Variants in PLCE1 observed in about 807,000 individuals in gnomAD.
The protein encoded by PLCE1 is 1-phosphatidylinositol 4,5-bisphosphate phosphodiesterase epsilon-1.
A neutral mutation model predicts 242.8 loss-of-function variants in PLCE1; 119 were observed. That is an observed-to-expected ratio of 0.49 (90% CI 0.42 to 0.57). The LOEUF (loss-of-function observed/expected upper bound fraction) is 0.57, where lower values mean the gene tolerates loss of function less well. Ranked by LOEUF, PLCE1 falls within the 20% of genes least tolerant of loss-of-function variation. The pLI, the probability that PLCE1 is intolerant of heterozygous loss-of-function variation, is 0.00. For synonymous variants in PLCE1, 945 were observed against 1,017.4 expected (o/e 0.93, Z 1.35); for missense variants, 2,441 against 2,788.8 (o/e 0.88, Z 2.81).
In PLCE1 at chr10:94,324,365, A is replaced by G. The variant is rs111929795; in HGVS notation, c.6518A>G (p.Lys2173Arg). Residue 2173 changes from lysine (K) to arginine (R), a missense_variant, in exon 31 of 33, where the codon AAA (lysine) becomes AGA (arginine). By Grantham distance (26) the Lys-to-Arg change is conservative. Coordinates refer to ENST00000371380, the MANE Select transcript of PLCE1 (RefSeq NM_016341.4). ...DVIQQTLCKA[K>R]YSYSILSNPN... ...ACCTTTCAGACCTTATGCAAAGCCA[A>G]ATATTCCTACAGCATCCTGAGCAAC... The G allele has an allele frequency of 6.0e-4, 962 of 1,614,108 alleles. 6 individuals are homozygous for G. In the African/African-American group the frequency reaches 0.011, roughly 19 times the overall value.
chr10:94,264,393 A>C (rs2051429509), intron 14 of PLCE1, among the ~76,000 whole-genome samples: 1 of 152,146 alleles, frequency 6.6e-6, no homozygotes, highest in Admixed American at 6.5e-5. Context: ...GCATGGTGTC[A>C]GACAGATGTG....
chr10:94,024,623 G>C (rs2061426527), intron 1 of PLCE1, among the ~76,000 whole-genome samples: 1 of 152,164 alleles, frequency 6.6e-6, no homozygotes. Context: ...TTCAACAGGT[G>C]CTTAACCAAT....
At chr10:94,228,577 C>T (rs989532375) in intron 5 of PLCE1, among the ~76,000 whole-genome samples, 1 of 152,104 alleles carries the variant, frequency 6.6e-6, no homozygotes, top group Non-Finnish European at 1.5e-5. Flanking sequence ...TGAGGGTTCT[C>T]ACTATAAAGG....
intron 4 of PLCE1, among the ~76,000 whole-genome samples, chr10:94,197,311 G>A (rs2048850944): frequency 6.6e-6 from 1 of 152,158 alleles, no homozygotes. Context: ...CAAGAAAAAT[G>A]TTTGAGCATA....
intron 2 of PLCE1, chr10:94,096,909 C>T (rs940562083): frequency 2.6e-5 from 4 of 152,214 alleles, no homozygotes; most frequent in Admixed American, 6.5e-5. Context: ...GCGAGTCTGA[C>T]TTCCTCATGA....
At chr10:94,241,782 A>G (rs12262110) in intron 7 of PLCE1, among the ~76,000 whole-genome samples, 52,084 of 144,452 alleles carry the variant, frequency 0.36, 9,535 homozygotes, top group Middle Eastern at 0.44. Flanking sequence ...GCAAGACTCC[A>G]TCTCCAGAAA....
intron 2 of PLCE1, among the ~76,000 whole-genome samples, chr10:94,093,910 C>A (rs1372867854): frequency 7.1e-5 from 10 of 141,754 alleles, no homozygotes; most frequent in Non-Finnish European, 1.5e-4. Flanking sequence ...AGATGAAGGT[C>A]ATTCAGTCAT....
chr10:94,064,973 T>G (rs1278518673), intron 2 of PLCE1, among the ~76,000 whole-genome samples: 1 of 152,210 alleles, frequency 6.6e-6, no homozygotes, highest in Non-Finnish European at 1.5e-5. Flanking sequence ...TCATTCTTTG[T>G]TCTAAACTCA....
intron 2 of PLCE1, among the ~76,000 whole-genome samples, chr10:94,115,075 T>A (rs1315850294): frequency 6.6e-6 from 1 of 152,204 alleles, no homozygotes; most frequent in Non-Finnish European, 1.5e-5. Context: ...GCTTCATCCA[T>A]GTCCCTACAA....
At position 94,140,790 on chromosome 10, in the gene PLCE1, C is replaced by T. The variant is rs2046931637; in HGVS notation, c.1492+8331C>T. Among the ~76,000 whole-genome samples the T allele has an allele frequency of 2.0e-5, 3 of 152,158 alleles. No homozygotes were observed. In the South Asian group the frequency reaches 6.2e-4, roughly 32 times the overall value. On this transcript the variant is annotated intron_variant, in intron 3 of 32. Coordinates refer to ENST00000371380, the MANE Select transcript of PLCE1 (RefSeq NM_016341.4). ...GGAAGGCATGTGCATAGCTCTAATT[C>T]CAAGATTTGTTTATTTAAAGAAATA...
intron 4 of PLCE1, among the ~76,000 whole-genome samples, chr10:94,226,316 G>T (rs1038937521): frequency 3.3e-5 from 5 of 152,162 alleles, no homozygotes; most frequent in African/African-American, 1.2e-4. Context: ...TTTTGTGAGT[G>T]GTTGATAATG....
At chr10:94,259,897 CAA>C (rs998707804) in intron 13 of PLCE1, among the ~76,000 whole-genome samples, 5 of 152,098 alleles carry the variant, frequency 3.3e-5, no homozygotes, top group Admixed American at 2.0e-4. Context: ...TGGCAGCAGA[CAA>C]GAGAACTTGT....
chr10:94,324,701 TG>T, intron 31 of PLCE1, 134 bp downstream of exon 31: 1 of 1,000,032 alleles, frequency 1.0e-6, no homozygotes, highest in Non-Finnish European at 1.5e-6. Flanking sequence ...GAAAATTGTT[TG>T]GCTTTGTTTT....
intron 9 of PLCE1, among the ~76,000 whole-genome samples, chr10:94,253,370 T>TC (rs2050949488): frequency 6.6e-6 from 1 of 151,924 alleles, no homozygotes; most frequent in Non-Finnish European, 1.5e-5. Context: ...TTTTTTCTCT[T>TC]AGAAACAGGG....
At chr10:94,299,234 G>A (rs2052951395) in intron 24 of PLCE1, among the ~76,000 whole-genome samples, 1 of 152,138 alleles carries the variant, frequency 6.6e-6, no homozygotes, top group Non-Finnish European at 1.5e-5. Flanking sequence ...CTGATATGAC[G>A]CCTAAAACTC....
At chr10:94,208,590 A>C (rs977277368) in intron 4 of PLCE1, among the ~76,000 whole-genome samples, 2 of 152,240 alleles carry the variant, frequency 1.3e-5, no homozygotes, top group Non-Finnish European at 2.9e-5. Context: ...CCCCATGAAC[A>C]TTTAAGGTTG....
intron 2 of PLCE1, among the ~76,000 whole-genome samples, chr10:94,073,124 G>C (rs1033925987): frequency 2.0e-5 from 3 of 151,890 alleles, no homozygotes; most frequent in African/African-American, 7.3e-5. Flanking sequence ...CAAACTTCCA[G>C]CATTTTCTAG....
intron 4 of PLCE1, among the ~76,000 whole-genome samples, chr10:94,214,452 A>G (rs1041274209): frequency 6.6e-6 from 1 of 152,010 alleles, no homozygotes; most frequent in Non-Finnish European, 1.5e-5. Context: ...CCCAACATAT[A>G]TGTACTGGAC....
At chr10:94,091,861 A>C (rs374328399) in intron 2 of PLCE1, among the ~76,000 whole-genome samples, 3 of 152,222 alleles carry the variant, frequency 2.0e-5, no homozygotes, top group African/African-American at 4.8e-5. Flanking sequence ...CAAGCTAAAA[A>C]AAAATCAGGC....
Sources: gnomAD v4.1 joint callset for allele counts (sites outside exome capture counted in the v4.1 genomes callset) on GRCh38, gnomAD v4.1.1 for gene constraint, MANE v1.5 for transcripts, NCBI Gene and HGNC (gene_info 2026-07-23, HGNC 2026-07-21) for gene names.